The following MYO5B variants were observed in gnomAD, a reference collection of about 807,000 sequenced individuals.
MYO5B encodes unconventional myosin-Vb.
MYO5B carries 143 observed loss-of-function variants against 229.3 expected under a neutral mutation model. The ratio of observed to expected loss-of-function variants is 0.62; its 90% confidence interval spans 0.54 to 0.72. The LOEUF (loss-of-function observed/expected upper bound fraction) is 0.72. MYO5B is among the 30% of genes least tolerant of loss of function. The pLI is 0.00. For synonymous variants in MYO5B, 918 were observed against 885.2 expected, an observed-to-expected ratio of 1.04 and a Z score of -0.66; for missense variants, 2,321 against 2,331.0, an observed-to-expected ratio of 1.00 and a Z score of 0.09.
At chr18:50,023,917 A>G (rs2026303885) in intron 4 of MYO5B, among the ~76,000 whole-genome samples, 1 of 152,166 alleles carries the variant, frequency 6.6e-6, no homozygotes, top group Non-Finnish European at 1.5e-5. Flanking sequence ...GAGCCTTCCA[A>G]CTTCAGAAAG....
chr18:50,150,922 C>G (rs1380107239), intron 1 of MYO5B, among the ~76,000 whole-genome samples: 1 of 152,192 alleles, frequency 6.6e-6, no homozygotes, highest in Admixed American at 6.5e-5. Context: ...ATACTCAATG[C>G]TCCCCTGGCA....
intron 4 of MYO5B, among the ~76,000 whole-genome samples, chr18:50,006,275 C>A (rs1354558971): frequency 1.3e-5 from 2 of 152,136 alleles, no homozygotes; most frequent in Non-Finnish European, 2.9e-5. Flanking sequence ...AAAATATAAC[C>A]AATGTGTGGC....
intron 1 of MYO5B, among the ~76,000 whole-genome samples, chr18:50,191,936 GAGA>G (rs1453482485): frequency 1.3e-5 from 2 of 152,194 alleles, no homozygotes; most frequent in African/African-American, 2.4e-5. Flanking sequence ...GAAGTGTGGA[GAGA>G]AGAATTGTGA....
chr18:50,164,020 A>G (rs1203744582), intron 1 of MYO5B, among the ~76,000 whole-genome samples: 1 of 152,240 alleles, frequency 6.6e-6, no homozygotes, highest in Non-Finnish European at 1.5e-5. Flanking sequence ...GAGGTACAAC[A>G]TTACAGGCAA....
chr18:50,142,568 TA>T (rs958848391), intron 1 of MYO5B, among the ~76,000 whole-genome samples: 2 of 152,156 alleles, frequency 1.3e-5, no homozygotes, highest in African/African-American at 4.8e-5. Context: ...CCAAGGTATA[TA>T]GGGGATGTCT....
intron 27 of MYO5B, among the ~76,000 whole-genome samples, chr18:49,870,002 C>T (rs1231796178): frequency 6.6e-6 from 1 of 152,180 alleles, no homozygotes; most frequent in Non-Finnish European, 1.5e-5. Context: ...AGGCACTAAG[C>T]CTCCCTTGGG....
intron 21 of MYO5B, among the ~76,000 whole-genome samples, chr18:49,901,333 G>A (rs1368348652): frequency 6.6e-6 from 1 of 152,202 alleles, no homozygotes; most frequent in Non-Finnish European, 1.5e-5. Flanking sequence ...GCATACATGT[G>A]AGCCTCGTCT....
At chr18:49,992,617 C>G (rs988979213) in intron 5 of MYO5B, among the ~76,000 whole-genome samples, 186 bp from the exon 6 acceptor site, 4 of 152,192 alleles carry the variant, frequency 2.6e-5, no homozygotes, top group African/African-American at 9.7e-5. Flanking sequence ...TTTCCAGCCT[C>G]TTACTCCTGA....
intron 4 of MYO5B, among the ~76,000 whole-genome samples, chr18:50,027,320 G>A (rs757014307): frequency 9.2e-5 from 14 of 152,200 alleles, no homozygotes; most frequent in East Asian, 1.9e-4. Context: ...CTAGAACGGC[G>A]TGTAGGAGCC....
rs201172517 is a variant in MYO5B at position 49,872,208 on chromosome 18, C to T, written c.3562G>A (p.Asp1188Asn). 6.2e-7 allele frequency: 1 copy of T among 1,614,144 alleles called. No homozygotes were observed. The highest frequency in any genetic ancestry group is 8.5e-7 in the Non-Finnish European group (1 of 1,180,002). Residue 1188 changes from aspartate (D) to asparagine (N), a missense_variant, in exon 27 of 40, where the codon GAT becomes AAT. Around this residue, in one of 2 missense-constraint regions of MYO5B, gnomAD observed 2,113 missense variants for 2,044.7 expected, o/e 1.03. Transcript: ENST00000285039. ...VQAEPPQTDI[D>N]LDPNADLAYN... ...GCCAGATCTGCATTCGGGTCCAAAT[C>T]TATGTCAGTCTGTGGTGGTTCCGCC...
intron 11 of MYO5B, 59 bp from the exon 12 acceptor site, chr18:49,962,465 C>T (rs905892381): frequency 1.2e-6 from 2 of 1,611,070 alleles, no homozygotes; most frequent in Non-Finnish European, 8.5e-7. Flanking sequence ...CATTCACCTC[C>T]CCCAGGGGCT....
rs765058220 is a variant in MYO5B at position 49,902,642 on chromosome 18, C to A, written c.2763G>T (p.Val921=). The A allele has an allele frequency of 6.2e-7, 1 of 1,613,322 alleles. No homozygotes were observed. Among genetic ancestry groups the A allele is most frequent in the African/African-American group, 1.3e-5 (1 of 74,938 alleles). ...GCTGGACCACCTTGTTCTCCATGCC[C>A]ACGTTGAGACGTTTCAGATGCTCTG... ...RSAEHLKRLN[V]GMENKVVQLQ... is the part of the protein sequence containing the mutation. The change falls in exon 21 of 40, where the codon GTG becomes GTT. Residue 921 remains valine (V), a synonymous_variant. Coordinates refer to ENST00000285039, the MANE Select transcript of MYO5B (RefSeq NM_001080467.3).
At chr18:50,097,925 A>G (rs2031584285) in intron 1 of MYO5B, among the ~76,000 whole-genome samples, 1 of 152,188 alleles carries the variant, frequency 6.6e-6, no homozygotes, top group Non-Finnish European at 1.5e-5. Context: ...CCAGCAAAGA[A>G]AAGTCACCAC....
intron 4 of MYO5B, among the ~76,000 whole-genome samples, chr18:50,021,110 C>T (rs554702914): frequency 6.6e-6 from 1 of 152,252 alleles, no homozygotes; most frequent in South Asian, 2.1e-4. Flanking sequence ...AACATATATG[C>T]ACACACAAGC....
intron 1 of MYO5B, among the ~76,000 whole-genome samples, chr18:50,165,004 G>A (rs1156791353): frequency 6.6e-6 from 1 of 152,192 alleles, no homozygotes; most frequent in Non-Finnish European, 1.5e-5. Flanking sequence ...CAGCTTATTT[G>A]GTATCTGGCA....
intron 6 of MYO5B, 114 bp downstream of exon 6, chr18:49,992,174 C>G: frequency 1.4e-6 from 2 of 1,415,120 alleles, no homozygotes; most frequent in South Asian, 2.3e-5. Context: ...CAACTACATT[C>G]AATTCCAGGC....
At chr18:49,913,822 C>T (rs926730630) in intron 17 of MYO5B, among the ~76,000 whole-genome samples, 1 of 152,012 alleles carries the variant, frequency 6.6e-6, no homozygotes. Context: ...GACAAAGAGA[C>T]AAGCAGATCA....
At chr18:50,001,143 A>C in intron 5 of MYO5B, 112 bp downstream of exon 5, 1 of 1,350,324 alleles carries the variant, frequency 7.4e-7, no homozygotes, top group Admixed American at 1.7e-5. Flanking sequence ...CAGTGGACAG[A>C]GGGCTCTCAG....
intron 1 of MYO5B, among the ~76,000 whole-genome samples, chr18:50,179,247 G>A (rs572462687): frequency 2.0e-5 from 3 of 152,080 alleles, no homozygotes; most frequent in African/African-American, 4.8e-5. Flanking sequence ...AGCAAGAAGT[G>A]GAAACCAGGC....
Sources: allele counts gnomAD v4.1 joint callset (sites outside exome capture counted in the v4.1 genomes callset), GRCh38; gene constraint gnomAD v4.1.1; regional missense constraint gnomAD v4.1.1; transcripts MANE v1.5; gene names NCBI Gene and HGNC (gene_info 2026-07-23, HGNC 2026-07-21).